Variants in CES1 observed in about 807,000 individuals in gnomAD.
The protein encoded by CES1 is liver carboxylesterase 1.
CES1 carries 50 observed loss-of-function variants against 53.0 expected under a neutral mutation model. That is an observed-to-expected ratio of 0.94 (90% CI 0.75 to 1.19). The LOEUF is 1.19. CES1 is among the 50% of genes most tolerant of loss of function. The pLI is 0.00. For synonymous variants in CES1, 202 were observed against 210.1 expected, an observed-to-expected ratio of 0.96 and a Z score of 0.33; for missense variants, 534 against 538.0, an observed-to-expected ratio of 0.99 and a Z score of 0.07.
At chr16:55,830,968 C>T (rs1484183370) in intron 1 of CES1, among the ~76,000 whole-genome samples, 1 of 151,996 alleles carries the variant, frequency 6.6e-6, no homozygotes, top group African/African-American at 2.4e-5. Context: ...ATGCTGGATC[C>T]CTGTTTACAC....
intron 1 of CES1, among the ~76,000 whole-genome samples, chr16:55,832,481 C>T (rs2032721198): frequency 6.6e-6 from 1 of 152,186 alleles, no homozygotes; most frequent in Non-Finnish European, 1.5e-5. Flanking sequence ...TAGAAACAGC[C>T]ACCCATTTCC....
In CES1 at chr16:55,814,585, G is replaced by A. The variant is rs1181698538; in HGVS notation, c.946-1542C>T. Among the ~76,000 whole-genome samples, 6 of 152,242 alleles carry A rather than the reference G, an allele frequency of 3.9e-5. No individual in the cohort carries two copies. The South Asian group carries it at 1.2e-3, about 31-fold the overall frequency. ...AGCACAGCACCTGGTGTCTGGAAAG[G>A]CTGAATAACTGTTAGGTATTACTTG... On this transcript the variant is annotated intron_variant, in intron 8 of 13. Transcript: ENST00000360526.
intron 5 of CES1, among the ~76,000 whole-genome samples, chr16:55,821,133 G>C (rs184035771): frequency 1.3e-3 from 193 of 152,194 alleles, no homozygotes; most frequent in Admixed American, 2.8e-3. Flanking sequence ...ACCATTGCAG[G>C]CTGCAACTGG....
chr16:55,819,460 G>A lies in CES1; in HGVS notation c.906+75C>T, dbSNP rs551198177. 1.9e-5 allele frequency: 20 copies of A among 1,079,610 alleles called. 1 individual carries two copies. In the South Asian group the frequency reaches 2.4e-4, roughly 13 times the overall value. 66.9% of individuals were successfully genotyped at this position (1,079,610 alleles called of 1,614,324 possible). On this transcript the variant is annotated intron_variant, in intron 7 of 13. Transcript: ENST00000360526. ...AAATTGTCCCAGGAAACTGTCCCTG[G>A]GCAAGAGGACAGCTGAAATGAAGAA...
chr16:55,815,086 A>G (rs2031880112), intron 8 of CES1, among the ~76,000 whole-genome samples: 1 of 152,218 alleles, frequency 6.6e-6, no homozygotes, highest in African/African-American at 2.4e-5. Flanking sequence ...GAATTTCTAA[A>G]CAGTGGGAAC....
intron 8 of CES1, among the ~76,000 whole-genome samples, chr16:55,816,445 C>A (rs1387148765): frequency 6.6e-6 from 1 of 152,200 alleles, no homozygotes; most frequent in African/African-American, 2.4e-5. Context: ...AAACTGTCAA[C>A]CCACTGGGAG....
rs759524183 is a variant in CES1, at chr16:55,812,860, A to T, written c.1086+43T>A. Reference sequence around the variant, plus strand: ...CCTGGGACCAGAGACAGGAGGGCTGATGGGGGTGGTTGAGTCCCTCCAACA... The same window carrying T: ...CCTGGGACCAGAGACAGGAGGGCTGTTGGGGGTGGTTGAGTCCCTCCAACA... On this transcript the variant is annotated intron_variant, in intron 9 of 13. Transcript: ENST00000360526. 13 of 1,612,768 alleles carry T rather than the reference A, an allele frequency of 8.1e-6. No individual in the cohort carries two copies. In the Admixed American group the frequency reaches 1.3e-4, roughly 17 times the overall value.
At chr16:55,815,687 A>G (rs1175916258) in intron 8 of CES1, among the ~76,000 whole-genome samples, 1 of 151,810 alleles carries the variant, frequency 6.6e-6, no homozygotes, top group Non-Finnish European at 1.5e-5. Context: ...CCACTGCCAC[A>G]GCCCTGTCTA....
intron 8 of CES1, among the ~76,000 whole-genome samples, chr16:55,813,377 C>G (rs2031791427): frequency 6.6e-6 from 1 of 152,090 alleles, no homozygotes; most frequent in South Asian, 2.1e-4. Flanking sequence ...TTTCGGTAGT[C>G]CTGGCAGTTG....
Position 55,810,924 on chromosome 16 carries a change from T to C in CES1, c.1170+3A>G, listed in dbSNP as rs750343646. 2.1e-5 allele frequency: 34 copies of C among 1,612,634 alleles called. No individual in the cohort carries two copies. Among genetic ancestry groups the C allele is most frequent in the Non-Finnish European group, 2.6e-5 (31 of 1,179,034 alleles). ...CCAATTCCCATGATTCCTAGACTCT[T>C]ACAACAAGGGGATAGGACTTCCACA... On this transcript the variant is annotated splice_donor_region_variant and intron_variant, in intron 10 of 13. Coordinates refer to ENST00000360526, the MANE Select transcript of CES1 (RefSeq NM_001025195.2).
chr16:55,827,795 T>G (rs1405874702), intron 2 of CES1: 1 of 152,170 alleles, frequency 6.6e-6, no homozygotes, highest in Non-Finnish European at 1.5e-5. Flanking sequence ...GCATCCAAAT[T>G]ATCTCAATAT....
chr16:55,821,591 G>T, intron 4 of CES1, 70 bp from the exon 5 acceptor site: 1 of 1,556,618 alleles, frequency 6.4e-7, no homozygotes, highest in Non-Finnish European at 8.9e-7. Context: ...ACCACAGATG[G>T]GGCTAGGGGT....
chr16:55,827,622 TTA>T, intron 2 of CES1, among the ~76,000 whole-genome samples: 1 of 152,178 alleles, frequency 6.6e-6, no homozygotes, highest in Non-Finnish European at 1.5e-5. Flanking sequence ...ATTCATGATG[TTA>T]TATTATTAAA....
At chr16:55,820,920 T>C (rs1458664667) in intron 5 of CES1, among the ~76,000 whole-genome samples, 1 of 152,194 alleles carries the variant, frequency 6.6e-6, no homozygotes, top group African/African-American at 2.4e-5. Context: ...TCAGTGTCCA[T>C]GTCCCCTCCA....
At chr16:55,825,717 A>G (rs1351648978) in intron 3 of CES1, among the ~76,000 whole-genome samples, 1 of 152,072 alleles carries the variant, frequency 6.6e-6, no homozygotes, top group Non-Finnish European at 1.5e-5. Context: ...AGCCAAAACT[A>G]CCCTACTGGG....
In CES1 at chr16:55,814,444, T is replaced by C. The variant is rs184864512; in HGVS notation, c.946-1401A>G. On this transcript the variant is annotated intron_variant, in intron 8 of 13. Coordinates refer to ENST00000360526, the MANE Select transcript of CES1 (RefSeq NM_001025195.2). ...ACTTTGAAACCAGATTAACTGCATC[T>C]GAAGCCTGGCTCTGCTACTTACTGG... is the stretch of plus-strand genomic sequence containing the variant. Among the ~76,000 whole-genome samples, 97 of 152,360 alleles carry C rather than the reference T, an allele frequency of 6.4e-4. 1 individual carries two copies. The highest frequency in any genetic ancestry group is 2.3e-3 in the African/African-American group (95 of 41,580).
Position 55,811,343 on chromosome 16 carries a change from G to T in CES1, c.1087-333C>A, listed in dbSNP as rs116512026. The stretch of plus-strand genomic sequence containing the variant: ...GTGGTCAGTGACATGGAGATGCAAG[G>T]TGTCTGCCAGGCCAGTGTGGAATAG... On this transcript the variant is annotated intron_variant, in intron 9 of 13. Coordinates refer to ENST00000360526, the MANE Select transcript of CES1 (RefSeq NM_001025195.2). Among the ~76,000 whole-genome samples, 915 of 152,212 alleles carry T rather than the reference G, an allele frequency of 6.0e-3. 10 individuals carry two copies. The highest frequency in any genetic ancestry group is 0.02 in the Middle Eastern group (6 of 294).
At position 55,831,312 on chromosome 16, in the gene CES1, A is replaced by G. The variant is rs541192296; in HGVS notation, c.52+1692T>C. Among the ~76,000 whole-genome samples, 154 of 152,028 alleles carry G rather than the reference A, an allele frequency of 1.0e-3. 1 individual carries two copies. Among genetic ancestry groups the G allele is most frequent in the African/African-American group, 3.5e-3 (144 of 41,374 alleles). On this transcript the variant is annotated intron_variant, in intron 1 of 13. Coordinates refer to ENST00000360526, the MANE Select transcript of CES1 (RefSeq NM_001025195.2). ...TGAGGACTTCAGGGAGGTGGAGGAG[A>G]GTCAAGTCAGAGAAGAAACCACTGG...
intron 1 of CES1, among the ~76,000 whole-genome samples, chr16:55,831,218 G>A (rs1238296646): frequency 6.6e-6 from 1 of 152,134 alleles, no homozygotes; most frequent in African/African-American, 2.4e-5. Context: ...CATCAGAATA[G>A]GGGAGAGAGA....
Sources: allele counts gnomAD v4.1 joint callset (sites outside exome capture counted in the v4.1 genomes callset), GRCh38; gene constraint gnomAD v4.1.1; transcripts MANE v1.5; gene names NCBI Gene and HGNC (gene_info 2026-07-23, HGNC 2026-07-21).